The following WDR90 variants were observed in gnomAD, a reference collection of about 807,000 sequenced individuals.
WDR90 encodes WD repeat-containing protein 90.
A neutral mutation model predicts 195.2 loss-of-function variants in WDR90; 238 were observed. The observed-to-expected ratio is 1.22, with a 90% confidence interval of 1.10 to 1.36. The LOEUF (loss-of-function observed/expected upper bound fraction) is 1.36, where lower values mean the gene tolerates loss of function less well. Among genes scored for constraint, WDR90 ranks in the 40% most tolerant of loss-of-function variants. The pLI is 0.00. For synonymous variants in WDR90, 1,265 were observed against 1,052.4 expected (o/e 1.20, Z -3.91); for missense variants, 2,734 against 2,439.5 (o/e 1.12, Z -2.54).
At chr16:656,946 G>T in intron 19 of WDR90, 75 bp downstream of exon 19, 1 of 1,569,060 alleles carries the variant, frequency 6.4e-7, no homozygotes, top group Non-Finnish European at 8.6e-7. Flanking sequence ...GGGGTCATGT[G>T]CAGGATGGCC....
intron 14 of WDR90, 22 bp downstream of exon 14, chr16:655,169 G>A (rs759851422): frequency 3.9e-5 from 63 of 1,612,196 alleles, no homozygotes; most frequent in Middle Eastern, 1.6e-4. Context: ...GCCCATCCAC[G>A]ATGTTGGGAG....
At chr16:650,399 G>C in intron 4 of WDR90, 37 bp downstream of exon 4, 1 of 1,597,628 alleles carries the variant, frequency 6.3e-7, no homozygotes, top group Non-Finnish European at 8.6e-7. Context: ...TCCAGGACAG[G>C]TGGCTGGAGG....
intron 28 of WDR90, 151 bp downstream of exon 28, chr16:660,865 G>A: frequency 1.1e-6 from 1 of 900,624 alleles, no homozygotes; most frequent in South Asian, 2.0e-5. Context: ...TGGCGCTCCA[G>A]CCGAGGTCCT....
intron 32 of WDR90, 78 bp downstream of exon 32, chr16:662,137 G>A (rs2037930186): frequency 1.9e-6 from 3 of 1,546,982 alleles, no homozygotes; most frequent in African/African-American, 2.7e-5. Flanking sequence ...GGCCTCATCT[G>A]TAGCCCTGGC....
At chr16:660,953 C>CCCTA (rs1309881328) in intron 28 of WDR90, 98 bp from the exon 29 acceptor site, 1 of 368,500 alleles carries the variant, frequency 2.7e-6, no homozygotes, top group East Asian at 9.5e-4. Context: ...CCCCACGGCT[C>CCCTA]GGCCCAGGCC....
chr16:658,679 T>A lies in WDR90; in HGVS notation c.2895+26T>A, dbSNP rs768627850. ...GTGTGTGCGTGGGGAGGCAGGTGGC[T>A]TTGGCGGTCAGGAGCCTCCTCAGGT... On this transcript the variant is annotated intron_variant, in intron 23 of 40. Coordinates refer to ENST00000293879, the MANE Select transcript of WDR90 (RefSeq NM_145294.5). 3 of 1,597,194 alleles carry A rather than the reference T, an allele frequency of 1.9e-6. No homozygotes were observed. The East Asian group carries it at 6.8e-5, about 36-fold the overall frequency.
intron 17 of WDR90, 76 bp downstream of exon 17, chr16:655,965 G>A (rs776993859): frequency 2.6e-5 from 39 of 1,477,356 alleles, no homozygotes; most frequent in Middle Eastern, 3.6e-4. Context: ...CCCAGTCCCC[G>A]GGGCTCTGCT....
At chr16:658,406 TG>T in intron 22 of WDR90, 62 bp downstream of exon 22, 1 of 1,587,592 alleles carries the variant, frequency 6.3e-7, no homozygotes, top group East Asian at 2.3e-5. Flanking sequence ...GCCTGGCCTC[TG>T]TGCCTGCAGC....
In WDR90 at chr16:660,601, C is replaced by T; in HGVS notation, c.3289-11C>T. The T allele has an allele frequency of 6.4e-7, 1 of 1,558,108 alleles. No homozygotes were observed. The highest frequency in any genetic ancestry group is 8.7e-7 in the Non-Finnish European group (1 of 1,151,524). On this transcript the variant is annotated splice_polypyrimidine_tract_variant and intron_variant, in intron 27 of 40. Coordinates refer to ENST00000293879, the MANE Select transcript of WDR90 (RefSeq NM_145294.5). Reference sequence around the variant, plus strand: ...TGGGCCCCAGCAGCATCCGGGTCTCCTTCCTCGCAGGGCACTTGCCCGCCT... The same window carrying T: ...TGGGCCCCAGCAGCATCCGGGTCTCTTTCCTCGCAGGGCACTTGCCCGCCT...
chr16:659,517 G>A (rs892812726), intron 26 of WDR90, 141 bp downstream of exon 26: 10 of 1,185,032 alleles, frequency 8.4e-6, no homozygotes, highest in African/African-American at 4.6e-5. Context: ...CAGTGGGGTC[G>A]GGGTGGGGGC....
In WDR90 at chr16:657,769, G is replaced by A. The variant is rs761767554; in HGVS notation, c.2481G>A (p.Met827Ile). 5 of 1,548,586 alleles carry A rather than the reference G, an allele frequency of 3.2e-6. No individual in the cohort carries two copies. The highest frequency in any genetic ancestry group is 2.4e-5 in the South Asian group (2 of 84,036). ...TGCCCCGTGTGGCCACAGCGGACATGGTATGCCCGGATGCCCCCGCGAGCC... is the reference window on the plus strand; with the variant it reads ...TGCCCCGTGTGGCCACAGCGGACATAGTATGCCCGGATGCCCCCGCGAGCC... ...QWHVLRVAAD[M>I]VCPDAPASPS... The change falls in exon 21 of 41, where the codon ATG becomes ATA. Residue 827 changes from methionine to isoleucine, a missense_variant. Met to Ile is a conservative substitution (Grantham distance 10). Coordinates refer to ENST00000293879, the MANE Select transcript of WDR90 (RefSeq NM_145294.5).
In WDR90 at chr16:651,673, C is replaced by T. The variant is rs2037648749; in HGVS notation, c.766C>T (p.Pro256Ser). 1.2e-5 allele frequency: 19 copies of T among 1,612,844 alleles called. No individual in the cohort carries two copies. The highest frequency in any genetic ancestry group is 1.5e-5 in the Non-Finnish European group (18 of 1,180,010). Residue 256 changes from proline to serine, a missense_variant, in exon 8 of 41, where the codon CCT (proline) becomes TCT (serine). Pro to Ser is a moderately conservative substitution (Grantham distance 74, BLOSUM62 -1). Coordinates refer to ENST00000293879, the MANE Select transcript of WDR90 (RefSeq NM_145294.5). ...VLLGPGPQPL[P>S]CPVASSKPVR... ...CCTGGGGCCGGGGCCACAGCCTCTCCCTTGCCCGGTGGCCTCCAGCAAACC... is the reference window on the plus strand; with the variant it reads ...CCTGGGGCCGGGGCCACAGCCTCTCTCTTGCCCGGTGGCCTCCAGCAAACC...
In WDR90 at chr16:655,716, C is replaced by T. The variant is rs2037737043; in HGVS notation, c.1849+13C>T. On this transcript the variant is annotated intron_variant, in intron 16 of 40. Transcript: ENST00000293879. ...ACCTTCAGCTCAGGTAAGAGGGCGC[C>T]CACCACGTGGCCAGGGTGGCAGGGA... The T allele has an allele frequency of 6.3e-7, 1 of 1,583,858 alleles. No homozygotes were observed. Among genetic ancestry groups the T allele is most frequent in the South Asian group, 1.1e-5 (1 of 87,766 alleles).
In WDR90 at chr16:650,108, G is replaced by T; in HGVS notation, c.220G>T (p.Val74Leu). The change falls in exon 3 of 41, where the codon GTG (valine) becomes TTG (leucine). Residue 74 changes from valine (V) to leucine (L), a missense_variant. Physicochemically the swap from Val to Leu is conservative, Grantham distance 32. Transcript: ENST00000293879. Reference protein sequence around the residue: ...SLGLTGRYLYVLFRPLPSKHF... With the variant: ...SLGLTGRYLYLLFRPLPSKHF... ...GGGGCTGACGGGACGATACCTGTAT[G>T]TGCTCTTTCGGCCCCTGCCCAGCAA... is the stretch of plus-strand genomic sequence containing the variant. 6.2e-7 allele frequency: 1 copy of T among 1,613,102 alleles called. No individual in the cohort carries two copies.
Position 650,111 on chromosome 16 carries a change from C to T in WDR90, c.223C>T (p.Leu75Phe), listed in dbSNP as rs2037611976. ...LGLTGRYLYV[L>F]FRPLPSKHFV... ...GCTGACGGGACGATACCTGTATGTG[C>T]TCTTTCGGCCCCTGCCCAGCAAGCA... The change falls in exon 3 of 41, where the codon CTC (leucine) becomes TTC (phenylalanine). Residue 75 changes from leucine (L) to phenylalanine (F), a missense_variant. Physicochemically the swap from Leu to Phe is conservative, Grantham distance 22. Coordinates refer to ENST00000293879, the MANE Select transcript of WDR90 (RefSeq NM_145294.5). 6.2e-7 allele frequency: 1 copy of T among 1,613,098 alleles called. No homozygotes were observed. Among genetic ancestry groups the T allele is most frequent in the East Asian group, 2.2e-5 (1 of 44,882 alleles).
chr16:655,306 G>A lies in WDR90; in HGVS notation c.1557-1G>A, dbSNP rs1452781077. 2 of 1,606,742 alleles carry A rather than the reference G, an allele frequency of 1.2e-6. No individual in the cohort carries two copies. Among genetic ancestry groups the A allele is most frequent in the East Asian group, 4.5e-5 (2 of 44,868 alleles). ...CAGTGCTCAGTCCTCATTCCTTGCA[G>A]GATGGCGTCGTGCGGGCAGGGCAGT... On this transcript the variant is annotated splice_acceptor_variant, in intron 14 of 40. Transcript: ENST00000293879. LOFTEE classifies it high-confidence loss of function.
rs553508400 is a variant in WDR90, at chr16:649,830, G to A, written c.78G>A (p.Lys26=). The A allele has an allele frequency of 5.9e-5, 94 of 1,582,656 alleles. No individual in the cohort carries two copies. The East Asian group carries it at 2.1e-3, about 35-fold the overall frequency. The change falls in exon 2 of 41, where the codon AAG becomes AAA. Residue 26 remains lysine (K), a synonymous_variant. Transcript: ENST00000293879. ...FRVDEWKRSA[K]QGDVAVVTDK... ...TGGACGAGTGGAAGCGCTCCGCCAA[G>A]CAGGGGGACGTGGCCGTGGTCACGG...
intron 40 of WDR90, 65 bp from the exon 41 acceptor site, chr16:667,367 G>C: frequency 1.3e-6 from 2 of 1,543,034 alleles, no homozygotes; most frequent in Non-Finnish European, 1.7e-6. Flanking sequence ...GTCTGGGTGG[G>C]TTGGGGGAGC....
At chr16:654,044 C>T (rs1322921939) in intron 13 of WDR90, 3 of 579,694 alleles carry the variant, frequency 5.2e-6, no homozygotes, top group Admixed American at 3.1e-5. Context: ...CGGTTTAAGC[C>T]AGCGTTTACA....
Sources: allele counts gnomAD v4.1 joint callset, GRCh38; gene constraint gnomAD v4.1.1; transcripts MANE v1.5; gene names NCBI Gene and HGNC (gene_info 2026-07-23, HGNC 2026-07-21).